COMMD10: variants seen among roughly 807,000 people sequenced by gnomAD.
COMMD10 encodes COMM domain containing 10.
In COMMD10, 33 loss-of-function variants were observed where a neutral mutation model predicts 28.9. The ratio of observed to expected loss-of-function variants is 1.14; its 90% confidence interval spans 0.87 to 1.53. The LOEUF is 1.53. Among genes scored for constraint, COMMD10 ranks in the 40% most tolerant of loss-of-function variants. The pLI, the probability that COMMD10 is intolerant of heterozygous loss-of-function variation, is 0.00. For missense variants in COMMD10, 310 were observed against 233.4 expected (o/e 1.33, Z -2.14); for synonymous variants, 110 against 81.7 (o/e 1.35, Z -1.87).
intron 5 of COMMD10, among the ~76,000 whole-genome samples, chr5:116,263,353 A>T (rs761833330): frequency 2.6e-5 from 4 of 151,734 alleles, no homozygotes; most frequent in Non-Finnish European, 4.4e-5. Context: ...TTACTTTTCA[A>T]TCTGACTCTG....
At chr5:116,249,363 A>G (rs902740605) in intron 5 of COMMD10, among the ~76,000 whole-genome samples, 2 of 151,974 alleles carry the variant, frequency 1.3e-5, no homozygotes, top group South Asian at 2.1e-4. Flanking sequence ...GGCAAACCAC[A>G]AAATCCAGTT....
At chr5:116,208,957 T>C (rs982191007) in intron 5 of COMMD10, among the ~76,000 whole-genome samples, 3 of 152,182 alleles carry the variant, frequency 2.0e-5, no homozygotes, top group Admixed American at 6.5e-5. Context: ...AAATCTTTTG[T>C]TGTGAATGGT....
In COMMD10 at chr5:116,170,704, T is replaced by C. The variant is rs535432148; in HGVS notation, c.510+36526T>C. Reference sequence around the variant, plus strand: ...CCACACATCTACAACCATCTGATCTTTGACAAACCTGACAAAAACAAGGAA... The same window carrying C: ...CCACACATCTACAACCATCTGATCTCTGACAAACCTGACAAAAACAAGGAA... On this transcript the variant is annotated intron_variant, in intron 5 of 6. Coordinates refer to ENST00000274458, the MANE Select transcript of COMMD10 (RefSeq NM_016144.4). Among the ~76,000 whole-genome samples, 6 of 152,284 alleles carry C rather than the reference T, an allele frequency of 3.9e-5. 1 individual carries two copies. Among genetic ancestry groups the C allele is most frequent in the African/African-American group, 1.2e-4 (5 of 41,546 alleles).
At chr5:116,120,010 C>G (rs6896229) in intron 4 of COMMD10, among the ~76,000 whole-genome samples, 137,305 of 152,160 alleles carry the variant, frequency 0.9, 62,130 homozygotes, top group African/African-American at 0.94. Context: ...ATTTTGATAG[C>G]TGTATTTCCA....
intron 5 of COMMD10, among the ~76,000 whole-genome samples, chr5:116,218,967 T>C (rs865814968): frequency 1.3e-5 from 2 of 152,184 alleles, no homozygotes; most frequent in South Asian, 4.1e-4. Context: ...CCTTTAATGA[T>C]GTAATTAAGG....
At chr5:116,200,566 C>A (rs1318875613) in intron 5 of COMMD10, among the ~76,000 whole-genome samples, 1 of 151,710 alleles carries the variant, frequency 6.6e-6, no homozygotes, top group African/African-American at 2.4e-5. Flanking sequence ...ATACGTTATA[C>A]CTTTTGTAGT....
intron 5 of COMMD10, among the ~76,000 whole-genome samples, chr5:116,198,979 C>G (rs1013118319): frequency 1.3e-5 from 2 of 152,076 alleles, no homozygotes; most frequent in African/African-American, 4.8e-5. Flanking sequence ...TACCAAGGAA[C>G]ATGTTTGGTG....
chr5:116,277,775 T>G lies in COMMD10; in HGVS notation c.511-13742T>G, dbSNP rs1750959313. ...GTTCTCTTTTCCTTGAAGACTTACG[T>G]GACAGCACAAGATAGAGAAAAATTA... On this transcript the variant is annotated intron_variant, in intron 5 of 6. Coordinates refer to ENST00000274458, the MANE Select transcript of COMMD10 (RefSeq NM_016144.4). Among the ~76,000 whole-genome samples, 3 of 151,916 alleles carry G rather than the reference T, an allele frequency of 2.0e-5. 1 individual carries two copies. Among genetic ancestry groups the G allele is most frequent in the African/African-American group, 7.3e-5 (3 of 41,238 alleles).
chr5:116,183,888 A>T lies in COMMD10; in HGVS notation c.510+49710A>T, dbSNP rs75036073. On this transcript the variant is annotated intron_variant, in intron 5 of 6. Transcript: ENST00000274458. ...TAGTGCTTATTAGAAATGAGGTAGGATGTTTTTGAGATTATATGTTTCCAT... is the reference window on the plus strand; with the variant it reads ...TAGTGCTTATTAGAAATGAGGTAGGTTGTTTTTGAGATTATATGTTTCCAT... Among the ~76,000 whole-genome samples, 1,226 of 152,186 alleles carry T rather than the reference A, an allele frequency of 8.1e-3. 21 individuals carry two copies. Among genetic ancestry groups the T allele is most frequent in the African/African-American group, 0.028 (1,150 of 41,534 alleles).
At chr5:116,262,485 A>G (rs1266134118) in intron 5 of COMMD10, among the ~76,000 whole-genome samples, 2 of 151,702 alleles carry the variant, frequency 1.3e-5, no homozygotes, top group Admixed American at 1.3e-4. Context: ...CTATACCAAG[A>G]CAAATGCCTG....
At chr5:116,224,860 T>G (rs1483646142) in intron 5 of COMMD10, among the ~76,000 whole-genome samples, 1 of 152,238 alleles carries the variant, frequency 6.6e-6, no homozygotes, top group African/African-American at 2.4e-5. Context: ...GATGAGTATT[T>G]GATAGTTCAT....
chr5:116,188,291 G>T (rs1162054683), intron 5 of COMMD10, among the ~76,000 whole-genome samples: 1 of 152,084 alleles, frequency 6.6e-6, no homozygotes, highest in Non-Finnish European at 1.5e-5. Context: ...ATGTTCTACA[G>T]GCGGAATACA....
chr5:116,249,073 T>G (rs1750039673), intron 5 of COMMD10, among the ~76,000 whole-genome samples: 1 of 151,948 alleles, frequency 6.6e-6, no homozygotes, highest in African/African-American at 2.4e-5. Flanking sequence ...GAAAAATATA[T>G]TCACATCAGA....
intron 5 of COMMD10, among the ~76,000 whole-genome samples, chr5:116,165,151 C>G (rs1753048670): frequency 6.6e-6 from 1 of 152,162 alleles, no homozygotes; most frequent in African/African-American, 2.4e-5. Flanking sequence ...TGTCATTGAG[C>G]AATGAAAAGG....
chr5:116,225,019 T>A (rs905328511), intron 5 of COMMD10, among the ~76,000 whole-genome samples: 1 of 152,208 alleles, frequency 6.6e-6, no homozygotes, highest in Non-Finnish European at 1.5e-5. Flanking sequence ...TAATCTTTAG[T>A]TTATGGGGCT....
chr5:116,172,668 A>G (rs1468090027), intron 5 of COMMD10, among the ~76,000 whole-genome samples: 1 of 152,138 alleles, frequency 6.6e-6, no homozygotes, highest in East Asian at 1.9e-4. Flanking sequence ...GTCATACTCC[A>G]GGGTATCTTT....
intron 5 of COMMD10, among the ~76,000 whole-genome samples, chr5:116,257,560 A>T (rs1750322104): frequency 6.6e-6 from 1 of 151,726 alleles, no homozygotes; most frequent in East Asian, 1.9e-4. Flanking sequence ...ACATAGGAGT[A>T]CACAGTAAAT....
At chr5:116,173,270 T>G (rs1360450961) in intron 5 of COMMD10, among the ~76,000 whole-genome samples, 1 of 152,136 alleles carries the variant, frequency 6.6e-6, no homozygotes, top group East Asian at 1.9e-4. Context: ...TAAGTTATAC[T>G]TCCTCTAGCA....
At chr5:116,233,848 A>G (rs535856485) in intron 5 of COMMD10, among the ~76,000 whole-genome samples, 7 of 152,294 alleles carry the variant, frequency 4.6e-5, no homozygotes, top group East Asian at 1.9e-4. Flanking sequence ...AGCCATTGTT[A>G]GGATTTTAGC....
Sources: allele counts gnomAD v4.1 joint callset (sites outside exome capture counted in the v4.1 genomes callset), GRCh38; gene constraint gnomAD v4.1.1; transcripts MANE v1.5; gene names NCBI Gene and HGNC (gene_info 2026-07-23, HGNC 2026-07-21).